The following DMGDH variants were observed in gnomAD, a reference collection of about 807,000 sequenced individuals.
The protein encoded by DMGDH is dimethylglycine dehydrogenase, also known as dimethylglycine dehydrogenase, mitochondrial.
Under a neutral mutation model 95.2 loss-of-function variants are expected in DMGDH, and 76 were observed. That is an observed-to-expected ratio of 0.80 (90% CI 0.66 to 0.97). DMGDH has a LOEUF of 0.97. Ranked by LOEUF, DMGDH falls within the 50% of genes least tolerant of loss-of-function variation. The pLI, the probability that DMGDH is intolerant of heterozygous loss-of-function variation, is 0.00. For missense variants in DMGDH, 987 were observed against 1,055.0 expected, an observed-to-expected ratio of 0.94 and a Z score of 0.89; for synonymous variants, 345 against 377.6, an observed-to-expected ratio of 0.91 and a Z score of 1.00.
At chr5:79,007,759 C>A (rs888929698) in intron 14 of DMGDH, among the ~76,000 whole-genome samples, 2 of 152,180 alleles carry the variant, frequency 1.3e-5, no homozygotes, top group African/African-American at 4.8e-5. Context: ...TCATTTACAG[C>A]TTGAAGGTTC....
chr5:79,002,786 A>C (rs1027013045), intron 15 of DMGDH, among the ~76,000 whole-genome samples: 1 of 152,232 alleles, frequency 6.6e-6, no homozygotes, highest in Non-Finnish European at 1.5e-5. Context: ...AGTAAAGAGG[A>C]TCCAAGGAGG....
In DMGDH at chr5:79,021,693, C is replaced by G. The variant is rs187251279; in HGVS notation, c.2250+2578G>C. The G allele has an allele frequency of 1.1e-5, 14 of 1,299,330 alleles. No homozygotes were observed. In the African/African-American group the frequency reaches 2.1e-4, roughly 19 times the overall value. The allele number at this position is 1,299,330 out of a possible 1,614,324, so 80.5% of individuals were successfully genotyped here. On this transcript the variant is annotated intron_variant, in intron 14 of 15. Coordinates refer to ENST00000255189, the MANE Select transcript of DMGDH (RefSeq NM_013391.3). ...CAGCTATTCTGATCCTATCATAAAA[C>G]ACAAAATTAGTTACAGCAAAAACAT...
intron 15 of DMGDH, among the ~76,000 whole-genome samples, chr5:78,999,791 C>T (rs1374044558): frequency 1.3e-5 from 2 of 151,748 alleles, no homozygotes; most frequent in Non-Finnish European, 2.9e-5. Flanking sequence ...TTTAAAATTG[C>T]TTTTCTCCTT....
chr5:79,008,750 C>T (rs1180633645), intron 14 of DMGDH, among the ~76,000 whole-genome samples: 1 of 151,330 alleles, frequency 6.6e-6, no homozygotes, highest in East Asian at 1.9e-4. Flanking sequence ...GGAGAGTGGG[C>T]AAAAACTTTC....
At chr5:79,043,285 T>C (rs528164575) in intron 6 of DMGDH, among the ~76,000 whole-genome samples, 1 of 152,310 alleles carries the variant, frequency 6.6e-6, no homozygotes, top group Admixed American at 6.5e-5. Flanking sequence ...AATGGCATTA[T>C]TTAAATATTT....
rs1805074 is a variant in DMGDH at position 79,028,529 on chromosome 5, A to G, written c.1936T>C (p.Ser646Pro). The G allele has an allele frequency of 0.29, 464,483 of 1,613,646 alleles. 69,821 individuals are homozygous for G. Among genetic ancestry groups the G allele is most frequent in the African/African-American group, 0.47 (34,872 of 74,884 alleles). Residue 646 changes from serine (S) to proline (P), a missense_variant, in exon 12 of 16, where the codon TCT becomes CCT. Coordinates refer to ENST00000255189, the MANE Select transcript of DMGDH (RefSeq NM_013391.3). ...QARKVLQKLTSEDLSDDVFKF... is the reference protein window; with the variant it reads ...QARKVLQKLTPEDLSDDVFKF... Reference sequence around the variant, plus strand: ...AAAACATCATCACTAAGATCTTCAGAGGTCAGTTTCTGAAGGACCTTTCTT... The same window carrying G: ...AAAACATCATCACTAAGATCTTCAGGGGTCAGTTTCTGAAGGACCTTTCTT...
rs929359642 is a variant in DMGDH at position 79,069,552 on chromosome 5, G to C, written c.69C>G (p.Pro23=). ...LLRSCPLQGS[P]GRPRSVCGRE... ...GGCCGCAGACAGAGCGCGGGCGCCC[G>C]GGGGAGCCCTGCAGCGGGCAGCTCC... is the stretch of plus-strand genomic sequence containing the variant. Residue 23 remains proline, a synonymous_variant, in exon 1 of 16, where the codon CCC becomes CCG. Transcript: ENST00000255189. The C allele has an allele frequency of 7.6e-6, 10 of 1,317,760 alleles. No homozygotes were observed. The highest frequency in any genetic ancestry group is 9.7e-6 in the Non-Finnish European group (10 of 1,036,044). 81.6% of individuals were successfully genotyped at this position (1,317,760 alleles called of 1,614,324 possible).
chr5:79,053,940 T>A (rs888970246), intron 4 of DMGDH, among the ~76,000 whole-genome samples: 2 of 152,196 alleles, frequency 1.3e-5, no homozygotes, highest in African/African-American at 2.4e-5. Flanking sequence ...TGGAAAGGTA[T>A]TGAAAATGTT....
At chr5:79,030,120 G>A (rs1350680490) in intron 10 of DMGDH, 86 bp from the exon 11 acceptor site, 9 of 1,181,262 alleles carry the variant, frequency 7.6e-6, no homozygotes, top group Non-Finnish European at 1.1e-5. Context: ...CAATGTGGGT[G>A]TTAAGAATGA....
At position 79,069,642 on chromosome 5, in the gene DMGDH, G is replaced by A. The variant is rs1476895839; in HGVS notation, c.-22C>T. 4.5e-6 allele frequency: 6 copies of A among 1,340,262 alleles called. No individual in the cohort carries two copies. Among genetic ancestry groups the A allele is most frequent in the East Asian group, 3.1e-5 (1 of 32,122 alleles). The allele number at this position is 1,340,262 out of a possible 1,614,324, so 83.0% of individuals were successfully genotyped here. On this transcript the variant is annotated 5_prime_UTR_variant, in exon 1 of 16. Coordinates refer to ENST00000255189, the MANE Select transcript of DMGDH (RefSeq NM_013391.3). The stretch of plus-strand genomic sequence containing the variant: ...GCATGACTAGGCCGAGGCCGAGGGC[G>A]CAGGCGCCTGCTCCGAGGCCAGCGG...
At chr5:79,003,698 C>T (rs909888873) in intron 15 of DMGDH, among the ~76,000 whole-genome samples, 18 of 152,080 alleles carry the variant, frequency 1.2e-4, no homozygotes, top group African/African-American at 4.3e-4. Flanking sequence ...TCCTGTAATC[C>T]CAGCACTTCG....
chr5:79,033,462 A>C (rs935740679), intron 7 of DMGDH, 54 bp from the exon 8 acceptor site: 60 of 1,590,518 alleles, frequency 3.8e-5, no homozygotes, highest in Admixed American at 1.7e-4. Context: ...TTTTCAAATG[A>C]AACATAATCA....
intron 5 of DMGDH, 57 bp downstream of exon 5, chr5:79,051,230 A>G (rs1476332394): frequency 3.2e-6 from 5 of 1,548,790 alleles, no homozygotes; most frequent in Non-Finnish European, 4.5e-6. Context: ...TTACGGCTAA[A>G]TATCTTCTTT....
chr5:79,008,284 T>C (rs530912260), intron 14 of DMGDH, among the ~76,000 whole-genome samples: 2 of 152,296 alleles, frequency 1.3e-5, no homozygotes, highest in South Asian at 4.1e-4. Context: ...GAGTTGAGTT[T>C]TGAAAGACGA....
At chr5:79,050,048 G>A (rs1475281101) in intron 5 of DMGDH, among the ~76,000 whole-genome samples, 1 of 151,714 alleles carries the variant, frequency 6.6e-6, no homozygotes. Flanking sequence ...CCTGAGGTCA[G>A]GAGTTCGAGA....
intron 14 of DMGDH, among the ~76,000 whole-genome samples, chr5:79,019,417 A>C (rs1290289171): frequency 6.6e-6 from 1 of 152,080 alleles, no homozygotes; most frequent in Non-Finnish European, 1.5e-5. Flanking sequence ...GTTGGTATGA[A>C]GTTATAAGAA....
Position 79,069,526 on chromosome 5 carries a change from C to T in DMGDH, c.95G>A (p.Arg32Gln), listed in dbSNP as rs1755487028. The T allele has an allele frequency of 3.9e-6, 5 of 1,291,956 alleles. No individual in the cohort carries two copies. The highest frequency in any genetic ancestry group is 3.9e-6 in the Non-Finnish European group (4 of 1,021,266). 80.0% of individuals were successfully genotyped at this position (1,291,956 alleles called of 1,614,324 possible). The part of the protein sequence containing the change: ...SPGRPRSVCG[R>Q]EGEEKPPLSA... ...AGGACGGGGCCCCACTCACCCTTCC[C>T]GGCCGCAGACAGAGCGCGGGCGCCC... Residue 32 changes from arginine (R) to glutamine (Q), a missense_variant, in exon 1 of 16, where the codon CGG (arginine) becomes CAG (glutamine). Transcript: ENST00000255189.
chr5:79,053,246 G>A (rs970629580), intron 4 of DMGDH, among the ~76,000 whole-genome samples: 2 of 152,138 alleles, frequency 1.3e-5, no homozygotes, highest in East Asian at 3.9e-4. Flanking sequence ...TCAAACACCT[G>A]GGCTCAAGAG....
At chr5:79,035,040 C>G (rs1284195243) in intron 7 of DMGDH, among the ~76,000 whole-genome samples, 17 of 107,594 alleles carry the variant, frequency 1.6e-4, no homozygotes, top group Admixed American at 4.2e-4. Flanking sequence ...CTGGGAGACA[C>G]AGCGAGACTC....
Sources: gnomAD v4.1 joint callset for allele counts (sites outside exome capture counted in the v4.1 genomes callset) on GRCh38, gnomAD v4.1.1 for gene constraint, MANE v1.5 for transcripts, NCBI Gene and HGNC (gene_info 2026-07-23, HGNC 2026-07-21) for gene names.